The following DUT variants were observed in gnomAD, a reference collection of about 807,000 sequenced individuals.
The protein encoded by DUT is deoxyuridine 5'-triphosphate nucleotidohydrolase, mitochondrial.
DUT carries 21 observed loss-of-function variants against 28.8 expected under a neutral mutation model. That is an observed-to-expected ratio of 0.73 (90% CI 0.52 to 1.05). The LOEUF is 1.05. Ranked by LOEUF, DUT falls within the 50% of genes least tolerant of loss-of-function variation. The pLI is 0.00. For missense variants in DUT, 344 were observed against 351.8 expected (o/e 0.98, Z 0.18); for synonymous variants, 147 against 143.7 (o/e 1.02, Z -0.17).
chr15:48,341,982 T>TAA, intron 6 of DUT, 40 bp from the exon 7 acceptor site: 1 of 1,511,608 alleles, frequency 6.6e-7, no homozygotes, highest in Admixed American at 2.2e-5. Flanking sequence ...AAGAGGCTCT[T>TAA]AAAAAAAACT....
intron 4 of DUT, 146 bp downstream of exon 4, chr15:48,336,236 T>A: frequency 3.4e-6 from 2 of 596,946 alleles, no homozygotes; most frequent in Non-Finnish European, 2.7e-6. Flanking sequence ...AGCTTTGTGG[T>A]TATTTTAAGT....
chr15:48,333,509 A>G lies in DUT; in HGVS notation c.420-908A>G, dbSNP rs191530482. Among the ~76,000 whole-genome samples the G allele has an allele frequency of 2.6e-4, 39 of 152,294 alleles. 1 individual carries two copies. The highest frequency in any genetic ancestry group is 7.7e-4 in the African/African-American group (32 of 41,558). On this transcript the variant is annotated intron_variant, in intron 2 of 6. Transcript: ENST00000331200. Reference sequence around the variant, plus strand: ...TTGACATGGAAATAATGGATCAGCAATAAATTAGGGCTTAACTGTTTAAAG... The same window carrying G: ...TTGACATGGAAATAATGGATCAGCAGTAAATTAGGGCTTAACTGTTTAAAG...
At chr15:48,333,236 C>T (rs542721727) in intron 2 of DUT, among the ~76,000 whole-genome samples, 1 of 151,548 alleles carries the variant, frequency 6.6e-6, no homozygotes, top group South Asian at 2.1e-4. Context: ...AGTCTAAGCA[C>T]AGGAGAAGAG....
At chr15:48,337,082 C>T (rs552021238) in intron 4 of DUT, among the ~76,000 whole-genome samples, 2 of 152,266 alleles carry the variant, frequency 1.3e-5, no homozygotes, top group South Asian at 4.1e-4. Context: ...CTTAGTCTAA[C>T]ATTTGGTGGG....
chr15:48,331,982 C>A, intron 1 of DUT, 187 bp downstream of exon 1: 1 of 890,598 alleles, frequency 1.1e-6, no homozygotes, highest in Non-Finnish European at 1.6e-6. Context: ...AGAAGCTCCC[C>A]TTCAAAGTTG....
At chr15:48,331,306 G>C (rs2042403608), upstream of DUT, 1 of 1,441,684 alleles carries the variant, frequency 6.9e-7, no homozygotes, top group Admixed American at 2.9e-5. Context: ...GCGGCAGCAA[G>C]ACTCAAGACG....
At chr15:48,338,430 A>G (rs1009712077) in intron 4 of DUT, among the ~76,000 whole-genome samples, 8 of 152,216 alleles carry the variant, frequency 5.3e-5, no homozygotes, top group African/African-American at 1.9e-4. Flanking sequence ...AGAAGATACT[A>G]TAAAGCCAAC....
chr15:48,331,609 AGGGCCGAAGCCGC>A lies in DUT; in HGVS notation c.97_109del (p.Ala33TyrfsTer27). ...GCAAAACGCGCGAGGCGCACGGCAG[AGGGCCGAAGCCGC>A]GGTACTCTCCGGGCCAGGCCCGCCC... is the stretch of plus-strand genomic sequence containing the variant. On this transcript the variant is annotated frameshift_variant, in exon 1 of 7. Coordinates refer to ENST00000331200, the MANE Select transcript of DUT (RefSeq NM_001025248.2). LOFTEE classifies it high-confidence loss of function. 1 of 1,560,010 alleles carries A rather than the reference AGGGCCGAAGCCGC, an allele frequency of 6.4e-7. No individual in the cohort carries two copies. Among genetic ancestry groups the A allele is most frequent in the Non-Finnish European group, 8.7e-7 (1 of 1,154,588 alleles).
At position 48,332,277 on chromosome 15, in the gene DUT, C is replaced by A; in HGVS notation, c.290C>A (p.Ala97Asp). 6.2e-7 allele frequency: 1 copy of A among 1,608,912 alleles called. No individual in the cohort carries two copies. Among genetic ancestry groups the A allele is most frequent in the Non-Finnish European group, 8.5e-7 (1 of 1,178,410 alleles). The part of the protein sequence containing the change: ...GSPAPGPETP[A>D]ISPSKRARPA... Reference sequence around the variant, plus strand: ...ATGCCCTGCTCTGAAGAGACACCCGCCATTTCACCCAGTAAGCGGGCCCGG... The same window carrying A: ...ATGCCCTGCTCTGAAGAGACACCCGACATTTCACCCAGTAAGCGGGCCCGG... The change falls in exon 2 of 7, where the codon GCC (alanine) becomes GAC (aspartate). Residue 97 changes from alanine to aspartate, a missense_variant. By Grantham distance (126) the Ala-to-Asp change is moderately radical. Coordinates refer to ENST00000331200, the MANE Select transcript of DUT (RefSeq NM_001025248.2).
At chr15:48,332,181 C>T (rs556152054) in intron 1 of DUT, 87 bp from the exon 2 acceptor site, 4 of 1,481,488 alleles carry the variant, frequency 2.7e-6, no homozygotes, top group Non-Finnish European at 2.7e-6. Context: ...TTGGCGCGCT[C>T]CCTGCGGCGA....
Position 48,343,248 on chromosome 15 carries a change from GC to G in DUT, c.*1171del, listed in dbSNP as rs2042560831. 1.3e-5 allele frequency: 2 copies of G among 152,130 alleles called. No individual in the cohort carries two copies. Among genetic ancestry groups the G allele is most frequent in the Admixed American group, 1.3e-4 (2 of 15,258 alleles). 9.4% of individuals were successfully genotyped at this position (152,130 alleles called of 1,614,324 possible). On this transcript the variant is annotated 3_prime_UTR_variant, in exon 7 of 7. Transcript: ENST00000331200. ...CCTGCAATGTAATTGTCCCTCTGTG[GC>G]TCACATTTCATTAGTGAGCCATGAA...
rs1383192628 is a variant in DUT, at chr15:48,342,457, G to T, written c.*379G>T. On this transcript the variant is annotated 3_prime_UTR_variant, in exon 7 of 7. Transcript: ENST00000331200. ...TTCAGCAACTTATTTTGCTTTAATTGCTTTAAATCTTAAGCAATATTTTTT... is the reference window on the plus strand; with the variant it reads ...TTCAGCAACTTATTTTGCTTTAATTTCTTTAAATCTTAAGCAATATTTTTT... 1 of 152,702 alleles carries T rather than the reference G, an allele frequency of 6.5e-6. No homozygotes were observed. Among genetic ancestry groups the T allele is most frequent in the Non-Finnish European group, 1.5e-5 (1 of 68,808 alleles). 9.5% of individuals were successfully genotyped at this position (152,702 alleles called of 1,614,324 possible).
intron 4 of DUT, among the ~76,000 whole-genome samples, chr15:48,338,943 T>C (rs1027480371): frequency 1.3e-5 from 2 of 152,240 alleles, no homozygotes; most frequent in South Asian, 4.1e-4. Context: ...TTGAGGCTTA[T>C]TTGAGCAACA....
chr15:48,341,179 A>G (rs993821355), intron 4 of DUT, 110 bp from the exon 5 acceptor site: 31 of 659,734 alleles, frequency 4.7e-5, no homozygotes, highest in East Asian at 1.4e-4. Flanking sequence ...CACTTATTCA[A>G]TTGTAAGAAT....
chr15:48,340,957 G>A (rs1203771610), intron 4 of DUT, among the ~76,000 whole-genome samples: 4 of 152,236 alleles, frequency 2.6e-5, no homozygotes, highest in South Asian at 2.1e-4. Context: ...AACCCAAATC[G>A]TAATTTTCTC....
intron 4 of DUT, chr15:48,341,014 T>C (rs2042528553): frequency 7.0e-6 from 2 of 285,824 alleles, no homozygotes; most frequent in African/African-American, 2.2e-5. Flanking sequence ...AGGTTGGAGA[T>C]GGCCATTGCT....
At position 48,342,013 on chromosome 15, in the gene DUT, A is replaced by G. The variant is rs367581813; in HGVS notation, c.703-9A>G. On this transcript the variant is annotated splice_polypyrimidine_tract_variant and intron_variant, in intron 6 of 6. Coordinates refer to ENST00000331200, the MANE Select transcript of DUT (RefSeq NM_001025248.2). The stretch of plus-strand genomic sequence containing the variant: ...AAACTGTGAAGCTTACTACCTTTCT[A>G]TCTTTCAGGCCTTGGATGACACCGA... 3.2e-6 allele frequency: 5 copies of G among 1,567,406 alleles called. No homozygotes were observed. Among genetic ancestry groups the G allele is most frequent in the African/African-American group, 2.8e-5 (2 of 71,248 alleles).
intron 3 of DUT, 74 bp downstream of exon 3, chr15:48,334,582 G>T: frequency 5.3e-6 from 6 of 1,131,830 alleles, no homozygotes; most frequent in Non-Finnish European, 7.9e-6. Flanking sequence ...TTCATTTGGG[G>T]TAATAAGCAG....
Position 48,331,663 on chromosome 15 carries a change from C to T in DUT, c.148C>T (p.Gln50Ter), listed in dbSNP as rs1286590721. ...GPGPPLGRAA[Q>*]HGIPRPLSSA... is the part of the protein sequence containing the mutation. ...AGGCCCGCCCCTCGGCCGCGCCGCG[C>T]AGCACGGGATTCCCCGGCCGCTGTC... Residue 50 changes from glutamine (Q) to a stop codon, truncating the protein, a stop_gained, in exon 1 of 7, where the codon CAG (glutamine) becomes TAG (stop). Transcript: ENST00000331200. LOFTEE classifies it high-confidence loss of function. 3 of 1,535,934 alleles carry T rather than the reference C, an allele frequency of 2.0e-6. No individual in the cohort carries two copies. The African/African-American group carries it at 4.2e-5, about 22-fold the overall frequency.
Sources: allele counts gnomAD v4.1 joint callset (sites outside exome capture counted in the v4.1 genomes callset), GRCh38; gene constraint gnomAD v4.1.1; transcripts MANE v1.5; gene names NCBI Gene and HGNC (gene_info 2026-07-23, HGNC 2026-07-21).